SNAP23: variants seen among roughly 807,000 people sequenced by gnomAD.
The protein encoded by SNAP23 is synaptosome associated protein 23.
In SNAP23, 11 loss-of-function variants were observed where a neutral mutation model predicts 29.0. The ratio of observed to expected loss-of-function variants is 0.38; its 90% CI spans 0.24 to 0.63. The LOEUF (loss-of-function observed/expected upper bound fraction) is 0.63, where lower values mean the gene tolerates loss of function less well. Ranked by LOEUF, SNAP23 falls within the 20% of genes least tolerant of loss-of-function variation. The pLI, the probability that SNAP23 is intolerant of heterozygous loss-of-function variation, is 0.58. For synonymous variants in SNAP23, 60 were observed against 82.9 expected (o/e 0.72, Z 1.50); for missense variants, 220 against 253.9 (o/e 0.87, Z 0.91).
chr15:42,529,489 A>G (rs1178271513), intron 6 of SNAP23, among the ~76,000 whole-genome samples, 186 bp from the exon 7 acceptor site: 3 of 152,228 alleles, frequency 2.0e-5, no homozygotes, highest in African/African-American at 7.2e-5. Flanking sequence ...GCTTTAAGAT[A>G]CTGTGCTCTC....
upstream of SNAP23, among the ~76,000 whole-genome samples, chr15:42,494,487 C>T (rs2057199035): frequency 1.4e-5 from 2 of 147,048 alleles, no homozygotes; most frequent in African/African-American, 5.0e-5. Context: ...ACACCCGCCA[C>T]CACACCCAGC....
chr15:42,528,153 C>A, intron 5 of SNAP23, 109 bp from the exon 6 acceptor site: 3 of 678,882 alleles, frequency 4.4e-6, no homozygotes, highest in South Asian at 3.1e-5. Flanking sequence ...CTGTATGCAG[C>A]TTTTCTACTA....
At chr15:42,519,659 C>T (rs965308226) in intron 5 of SNAP23, among the ~76,000 whole-genome samples, 7 of 152,106 alleles carry the variant, frequency 4.6e-5, no homozygotes, top group East Asian at 3.9e-4. Context: ...CATGAGCCAC[C>T]GTACCTGGAC....
chr15:42,527,846 A>T (rs2057518125), intron 5 of SNAP23: 1 of 161,870 alleles, frequency 6.2e-6, no homozygotes, highest in South Asian at 1.7e-4. Context: ...GAACCTCTTA[A>T]GGTATCCCAG....
intron 7 of SNAP23, among the ~76,000 whole-genome samples, chr15:42,530,114 A>C (rs987122994): frequency 6.6e-6 from 1 of 152,124 alleles, no homozygotes; most frequent in African/African-American, 2.4e-5. Flanking sequence ...CTCCCAAATG[A>C]GTTTTATTTT....
At chr15:42,503,886 G>A (rs1338472468) in intron 1 of SNAP23, among the ~76,000 whole-genome samples, 2 of 152,096 alleles carry the variant, frequency 1.3e-5, no homozygotes, top group African/African-American at 4.8e-5. Context: ...ATGGTAAAAA[G>A]AAAAGAGTTT....
intron 1 of SNAP23, among the ~76,000 whole-genome samples, chr15:42,509,593 C>T (rs77468766): frequency 6.6e-6 from 1 of 151,962 alleles, no homozygotes; most frequent in African/African-American, 2.4e-5. Flanking sequence ...GCGCTCACCA[C>T]CACTCCCGGC....
chr15:42,496,716 C>CA (rs796934163), intron 1 of SNAP23, among the ~76,000 whole-genome samples: 53 of 146,686 alleles, frequency 3.6e-4, no homozygotes, highest in East Asian at 1.4e-3. Context: ...GGCTCCAACT[C>CA]AAAAAAAAAC....
At chr15:42,498,632 G>A (rs2057243620) in intron 1 of SNAP23, among the ~76,000 whole-genome samples, 1 of 152,184 alleles carries the variant, frequency 6.6e-6, no homozygotes, top group Non-Finnish European at 1.5e-5. Flanking sequence ...TTGTTTTGGT[G>A]ATTAACATTC....
At chr15:42,504,052 A>G (rs1281272605) in intron 1 of SNAP23, among the ~76,000 whole-genome samples, 2 of 152,040 alleles carry the variant, frequency 1.3e-5, no homozygotes, top group East Asian at 1.9e-4. Flanking sequence ...GACCCTTGCC[A>G]GGCAAAGTGG....
intron 2 of SNAP23, 74 bp downstream of exon 2, chr15:42,511,977 A>C: frequency 9.9e-7 from 1 of 1,012,752 alleles, no homozygotes; most frequent in Non-Finnish European, 1.5e-6. Flanking sequence ...GAGCCTTCTT[A>C]GGGACATTTT....
intron 5 of SNAP23, among the ~76,000 whole-genome samples, chr15:42,519,877 C>G (rs910982278): frequency 2.0e-5 from 3 of 152,022 alleles, no homozygotes; most frequent in Non-Finnish European, 4.4e-5. Context: ...ATTGGGGTAA[C>G]AGTTGTGGGC....
chr15:42,521,938 A>G (rs1013700728), intron 5 of SNAP23: 2 of 323,082 alleles, frequency 6.2e-6, no homozygotes, highest in Admixed American at 4.7e-5. Context: ...CAAAATAACA[A>G]TACTCCTGGA....
chr15:42,515,402 C>A, intron 5 of SNAP23, 48 bp downstream of exon 5: 2 of 1,040,088 alleles, frequency 1.9e-6, no homozygotes, highest in Non-Finnish European at 2.9e-6. Flanking sequence ...TGAGAGTACC[C>A]CACCTTCTCC....
intron 1 of SNAP23, among the ~76,000 whole-genome samples, chr15:42,508,614 G>C (rs1336552530): frequency 6.6e-6 from 1 of 152,176 alleles, no homozygotes; most frequent in African/African-American, 2.4e-5. Context: ...ACCTCATTGC[G>C]ATGTCAGGGG....
intron 5 of SNAP23, among the ~76,000 whole-genome samples, chr15:42,522,842 C>CTTTTTTTT (rs5812226): frequency 9.9e-5 from 9 of 91,048 alleles, no homozygotes; most frequent in East Asian, 3.1e-4. Context: ...TAAAACTTGC[C>CTTTTTTTT]TTTTTTTTTT....
At chr15:42,499,795 T>C (rs1386630918) in intron 1 of SNAP23, among the ~76,000 whole-genome samples, 9 of 152,196 alleles carry the variant, frequency 5.9e-5, no homozygotes, top group African/African-American at 2.2e-4. Context: ...GTGATCTCTA[T>C]GATGATGTTC....
rs756000103 is a variant in SNAP23 at position 42,514,057 on chromosome 15, C to T, written c.148+610C>T. Among the ~76,000 whole-genome samples, 17 of 151,648 alleles carry T rather than the reference C, an allele frequency of 1.1e-4. No individual in the cohort carries two copies. The South Asian group carries it at 2.1e-3, about 19-fold the overall frequency. On this transcript the variant is annotated intron_variant, in intron 4 of 7. Coordinates refer to ENST00000249647, the MANE Select transcript of SNAP23 (RefSeq NM_003825.4). ...CTCGAACTCCTAACCTCAGGTGATC[C>T]ACCCGCCTTGACCTCCCAAAGTGCT...
chr15:42,494,317 T>C (rs1398975096), upstream of SNAP23, among the ~76,000 whole-genome samples: 1 of 151,880 alleles, frequency 6.6e-6, no homozygotes, highest in Non-Finnish European at 1.5e-5. Context: ...GACCTCTGTG[T>C]TATGAAATTA....
Sources: allele counts gnomAD v4.1 joint callset (sites outside exome capture counted in the v4.1 genomes callset), GRCh38; gene constraint gnomAD v4.1.1; transcripts MANE v1.5; gene names NCBI Gene and HGNC (gene_info 2026-07-23, HGNC 2026-07-21).